PKHD1L1: variants seen among roughly 807,000 people sequenced by gnomAD.
The protein encoded by PKHD1L1 is PKHD1 like 1.
In PKHD1L1, 434 loss-of-function variants were observed where a neutral mutation model predicts 462.9. The observed-to-expected ratio is 0.94, with a 90% confidence interval of 0.87 to 1.02. The LOEUF is 1.02. Ranked by LOEUF, PKHD1L1 falls within the 50% of genes least tolerant of loss-of-function variation. The probability of loss-of-function intolerance (pLI) is 0.00; values close to 1 mark genes in which losing one functional copy is unlikely to be tolerated. For synonymous variants in PKHD1L1, 1,781 were observed against 1,750.0 expected (o/e 1.02, Z -0.44); for missense variants, 5,202 against 5,096.1 (o/e 1.02, Z -0.63).
Position 109,452,712 on chromosome 8 carries a change from T to C in PKHD1L1, c.6508-6T>C. On this transcript the variant is annotated splice_region_variant and splice_polypyrimidine_tract_variant and intron_variant, in intron 42 of 77. Transcript: ENST00000378402. Reference sequence around the variant, plus strand: ...AAATTTTAAGGTCTCTTATGTTCTATTACAGGATAATGCTGACTTTCTTTA... The same window carrying C: ...AAATTTTAAGGTCTCTTATGTTCTACTACAGGATAATGCTGACTTTCTTTA... 1 of 1,502,104 alleles carries C rather than the reference T, an allele frequency of 6.7e-7. No individual in the cohort carries two copies. Among genetic ancestry groups the C allele is most frequent in the Non-Finnish European group, 8.8e-7 (1 of 1,130,256 alleles). 93.0% of individuals were successfully genotyped at this position (1,502,104 alleles called of 1,614,324 possible).
Position 109,381,382 on chromosome 8 carries a change from C to T in PKHD1L1, c.176C>T (p.Ala59Val). 1.3e-6 allele frequency: 2 copies of T among 1,571,874 alleles called. No individual in the cohort carries two copies. The highest frequency in any genetic ancestry group is 1.7e-6 in the Non-Finnish European group (2 of 1,156,832). ...LTIRGEGFSQ[A>V]NQFNYGVDNA... is the part of the protein sequence containing the mutation. The stretch of plus-strand genomic sequence containing the variant: ...CTTACTTTTCCAGGTTTTTCTCAAG[C>T]AAACCAGTTTAACTATGGAGTTGAT... The change falls in exon 3 of 78, where the codon GCA becomes GTA. Residue 59 changes from alanine (A) to valine (V), a missense_variant. By Grantham distance (64) the Ala-to-Val change is moderately conservative. This residue lies in a region of PKHD1L1 where 4,497 missense variants were observed against 4,336.8 expected (regional missense o/e 1.04). Transcript: ENST00000378402.
chr8:109,408,242 C>A, intron 18 of PKHD1L1, 36 bp downstream of exon 18: 1 of 1,571,716 alleles, frequency 6.4e-7, no homozygotes. Flanking sequence ...CGCATTTTCC[C>A]TGCACCCTCT....
Position 109,425,107 on chromosome 8 carries a change from A to G in PKHD1L1, c.2720A>G (p.Asn907Ser). 6.3e-7 allele frequency: 1 copy of G among 1,589,970 alleles called. No individual in the cohort carries two copies. The highest frequency in any genetic ancestry group is 8.5e-7 in the Non-Finnish European group (1 of 1,170,828). Residue 907 changes from asparagine (N) to serine (S), a missense_variant, in exon 24 of 78, where the codon AAC becomes AGC. Transcript: ENST00000378402. Reference protein sequence around the residue: ...FGQIITHETENEFVYRGNNWP... With the variant: ...FGQIITHETESEFVYRGNNWP... ...TAGATAATCACACATGAGACAGAGA[A>G]CGAGTTTGTCTACAGAGGAAATAAT... is the stretch of plus-strand genomic sequence containing the variant.
Position 109,481,451 on chromosome 8 carries a change from G to T in PKHD1L1, c.9346G>T (p.Gly3116Cys). The change falls in exon 56 of 78, where the codon GGC (glycine) becomes TGC (cysteine). Residue 3116 changes from glycine (G) to cysteine (C), a missense_variant. Transcript: ENST00000378402. The stretch of plus-strand genomic sequence containing the variant: ...ATTTCAGGGAGGTAGATTAATCGGT[G>T]GCTGGGAAGATAACCCTTTTAAAGG... ...ISLQGGRLIG[G>C]WEDNPFKGDL... 1 of 1,598,182 alleles carries T rather than the reference G, an allele frequency of 6.3e-7. No homozygotes were observed. Among genetic ancestry groups the T allele is most frequent in the Non-Finnish European group, 8.5e-7 (1 of 1,171,574 alleles).
At chr8:109,466,345 G>A (rs575343046) in intron 49 of PKHD1L1, among the ~76,000 whole-genome samples, 1 of 152,126 alleles carries the variant, frequency 6.6e-6, no homozygotes, top group South Asian at 2.1e-4. Flanking sequence ...ACTCTTATGG[G>A]TGCTTCAGAC....
intron 73 of PKHD1L1, among the ~76,000 whole-genome samples, chr8:109,521,367 G>T (rs549765332): frequency 6.6e-6 from 1 of 152,310 alleles, no homozygotes; most frequent in African/African-American, 2.4e-5. Context: ...CTGGTTTACA[G>T]TTGTTTCTTA....
intron 27 of PKHD1L1, among the ~76,000 whole-genome samples, chr8:109,431,053 C>T (rs1815070588): frequency 6.6e-6 from 1 of 151,226 alleles, no homozygotes; most frequent in Admixed American, 6.6e-5. Flanking sequence ...CTGCAACCTC[C>T]GCCTCCCAGG....
chr8:109,389,205 C>G, intron 8 of PKHD1L1, 53 bp downstream of exon 8: 1 of 1,443,656 alleles, frequency 6.9e-7, no homozygotes, highest in South Asian at 1.2e-5. Flanking sequence ...TATTCTATTT[C>G]CCTGTTTTGT....
intron 19 of PKHD1L1, among the ~76,000 whole-genome samples, chr8:109,411,993 C>T (rs1458639871): frequency 1.3e-5 from 2 of 151,896 alleles, no homozygotes; most frequent in Non-Finnish European, 1.5e-5. Flanking sequence ...CATAAACACT[C>T]ATGGAGAGAA....
At chr8:109,514,596 A>G (rs1820167842) in intron 71 of PKHD1L1, among the ~76,000 whole-genome samples, 1 of 152,186 alleles carries the variant, frequency 6.6e-6, no homozygotes, top group South Asian at 2.1e-4. Context: ...GAACTAATGT[A>G]TAGCTTATTA....
chr8:109,425,012 C>T (rs1482956140), intron 23 of PKHD1L1, 73 bp from the exon 24 acceptor site: 2 of 1,231,876 alleles, frequency 1.6e-6, no homozygotes, highest in Admixed American at 2.8e-5. Context: ...CAGGATTGTA[C>T]CATGATGAAA....
At chr8:109,394,170 C>CAAAAAAAA in intron 9 of PKHD1L1, among the ~76,000 whole-genome samples, 1 of 63,708 alleles carries the variant, frequency 1.6e-5, no homozygotes, top group East Asian at 4.1e-4. Flanking sequence ...GAGACTCTGT[C>CAAAAAAAA]AAAAAAAAAA....
chr8:109,505,515 A>G (rs1373059955), intron 68 of PKHD1L1, among the ~76,000 whole-genome samples: 1 of 152,186 alleles, frequency 6.6e-6, no homozygotes, highest in Non-Finnish European at 1.5e-5. Context: ...TTTAGATATA[A>G]GACAATACTG....
At chr8:109,518,770 A>G (rs562615962) in intron 73 of PKHD1L1, among the ~76,000 whole-genome samples, 4 of 152,318 alleles carry the variant, frequency 2.6e-5, no homozygotes, top group South Asian at 2.1e-4. Context: ...ATATAAAAAG[A>G]TCTGGGAAGA....
intron 2 of PKHD1L1, among the ~76,000 whole-genome samples, chr8:109,368,401 C>T (rs943824846): frequency 7.2e-5 from 11 of 152,182 alleles, no homozygotes; most frequent in Non-Finnish European, 1.5e-4. Flanking sequence ...TTAGCTTACT[C>T]ATCAGTAAAA....
intron 38 of PKHD1L1, 78 bp from the exon 39 acceptor site, chr8:109,448,065 A>C: frequency 4.8e-6 from 6 of 1,250,198 alleles, no homozygotes; most frequent in Non-Finnish European, 6.5e-6. Flanking sequence ...TATTTGTAAA[A>C]GTAAAGAGGT....
chr8:109,384,745 G>A (rs986413993), intron 5 of PKHD1L1, among the ~76,000 whole-genome samples: 26 of 151,330 alleles, frequency 1.7e-4, no homozygotes, highest in African/African-American at 4.9e-4. Context: ...ATTTTTTCAA[G>A]AATTAATATA....
intron 77 of PKHD1L1, among the ~76,000 whole-genome samples, chr8:109,528,415 A>G (rs1226233146): frequency 6.6e-6 from 1 of 152,206 alleles, no homozygotes; most frequent in African/African-American, 2.4e-5. Context: ...ACTATTCCTC[A>G]CTACATGCAA....
chr8:109,514,754 A>G (rs1820175342), intron 71 of PKHD1L1, among the ~76,000 whole-genome samples: 1 of 152,146 alleles, frequency 6.6e-6, no homozygotes, highest in Admixed American at 6.6e-5. Flanking sequence ...TAGTCTTCCT[A>G]CCAAATTTTT....
Sources: gnomAD v4.1 joint callset for allele counts (sites outside exome capture counted in the v4.1 genomes callset) on GRCh38, gnomAD v4.1.1 for gene constraint, gnomAD v4.1.1 regional missense constraint, MANE v1.5 for transcripts, NCBI Gene and HGNC (gene_info 2026-07-23, HGNC 2026-07-21) for gene names.